Variants in KIAA1549L observed in about 807,000 individuals in gnomAD.
KIAA1549L encodes KIAA1549 like.
KIAA1549L carries 88 observed loss-of-function variants against 160.7 expected under a neutral mutation model. The ratio of observed to expected loss-of-function variants is 0.55; its 90% confidence interval spans 0.46 to 0.65. The LOEUF (loss-of-function observed/expected upper bound fraction) is 0.65. Ranked by LOEUF, KIAA1549L falls within the 30% of genes least tolerant of loss-of-function variation. The pLI is 0.00. For synonymous variants in KIAA1549L, 950 were observed against 976.7 expected (o/e 0.97, Z 0.51); for missense variants, 2,258 against 2,437.5 (o/e 0.93, Z 1.55).
At chr11:33,447,049 T>C (rs1253890152) in intron 1 of KIAA1549L, among the ~76,000 whole-genome samples, 1 of 152,188 alleles carries the variant, frequency 6.6e-6, no homozygotes, top group Non-Finnish European at 1.5e-5. Context: ...AGTGCCATGA[T>C]GGAGATTTAC....
intron 1 of KIAA1549L, among the ~76,000 whole-genome samples, chr11:33,469,601 T>G (rs1304012071): frequency 6.6e-6 from 1 of 152,206 alleles, no homozygotes; most frequent in South Asian, 2.1e-4. Context: ...TACCAAACTG[T>G]TTTGCAAAGA....
At chr11:33,629,858 G>A (rs1851228650) in intron 16 of KIAA1549L, among the ~76,000 whole-genome samples, 1 of 143,916 alleles carries the variant, frequency 6.9e-6, no homozygotes, top group Non-Finnish European at 1.5e-5. Flanking sequence ...GAGGAGGAGA[G>A]GCGCTCTGCT....
chr11:33,499,483 A>G (rs1251999443), intron 1 of KIAA1549L, among the ~76,000 whole-genome samples: 3 of 152,206 alleles, frequency 2.0e-5, no homozygotes, highest in Admixed American at 2.0e-4. Flanking sequence ...TCCCAGTCCT[A>G]TGGTTTAGCA....
intron 1 of KIAA1549L, among the ~76,000 whole-genome samples, chr11:33,539,607 T>G (rs1853969123): frequency 6.6e-6 from 1 of 152,240 alleles, no homozygotes; most frequent in Non-Finnish European, 1.5e-5. Flanking sequence ...TGCCTCCTCC[T>G]TCTGTTTTTC....
chr11:33,557,965 A>T (rs886241475), intron 6 of KIAA1549L, among the ~76,000 whole-genome samples: 1 of 152,152 alleles, frequency 6.6e-6, no homozygotes, highest in South Asian at 2.1e-4. Flanking sequence ...CTTATGGGAA[A>T]AAGTGGGAAA....
In KIAA1549L at chr11:33,386,606, C is replaced by G. The variant is rs555059049; in HGVS notation, c.238+9717C>G. Among the ~76,000 whole-genome samples the G allele has an allele frequency of 1.6e-3, 239 of 152,266 alleles. 1 individual carries two copies. The highest frequency in any genetic ancestry group is 5.5e-3 in the African/African-American group (228 of 41,550). ...GCTGAGGCAGGAGAATCGCTTGCAC[C>G]TGGGAGGCAGAGGTTGCAGTGAGCT... On this transcript the variant is annotated intron_variant, in intron 1 of 20. Coordinates refer to ENST00000658780, the MANE Select transcript of KIAA1549L (RefSeq NM_012194.3).
chr11:33,625,356 C>T (rs1418890752), intron 16 of KIAA1549L, among the ~76,000 whole-genome samples: 1 of 152,136 alleles, frequency 6.6e-6, no homozygotes, highest in Non-Finnish European at 1.5e-5. Flanking sequence ...AATGGTTGAA[C>T]TAGTTTACAG....
At chr11:33,430,265 C>CCTCT (rs1371659703) in intron 1 of KIAA1549L, among the ~76,000 whole-genome samples, 1 of 146,930 alleles carries the variant, frequency 6.8e-6, no homozygotes, top group Admixed American at 6.8e-5. Flanking sequence ...TCCCTCCCTC[C>CCTCT]CTCTCTCCCT....
At chr11:33,601,000 C>T (rs1258602392) in intron 13 of KIAA1549L, among the ~76,000 whole-genome samples, 2 of 152,068 alleles carry the variant, frequency 1.3e-5, no homozygotes, top group African/African-American at 4.8e-5. Context: ...TTGCCCATTT[C>T]TGCTTGTCTG....
At chr11:33,425,155 G>A (rs937392225) in intron 1 of KIAA1549L, among the ~76,000 whole-genome samples, 1 of 152,212 alleles carries the variant, frequency 6.6e-6, no homozygotes. Flanking sequence ...ATCTCAAGGA[G>A]CTTTTCAGAG....
intron 1 of KIAA1549L, among the ~76,000 whole-genome samples, chr11:33,447,473 TCCACCCACCCACCCAC>T (rs879501635): frequency 7.5e-6 from 1 of 133,866 alleles, no homozygotes; most frequent in African/African-American, 2.8e-5. Context: ...CATCCATCCA[TCCACCCACCCACCCAC>T]CCACCCATCT....
In KIAA1549L at chr11:33,485,683, C is replaced by T. The variant is rs535459372; in HGVS notation, c.239-56119C>T. 2.2e-4 allele frequency among the ~76,000 whole-genome samples: 34 copies of T among 152,186 alleles called. No individual in the cohort carries two copies. The South Asian group carries it at 5.0e-3, about 22-fold the overall frequency. Reference sequence around the variant, plus strand: ...CTCAGCAATTTTCAAGTGTACAATACTTTGTTGTTAACTATAATCACCATG... The same window carrying T: ...CTCAGCAATTTTCAAGTGTACAATATTTTGTTGTTAACTATAATCACCATG... On this transcript the variant is annotated intron_variant, in intron 1 of 20. Transcript: ENST00000658780.
chr11:33,422,730 A>G (rs781586648), intron 1 of KIAA1549L, among the ~76,000 whole-genome samples: 6 of 151,914 alleles, frequency 3.9e-5, no homozygotes, highest in Non-Finnish European at 7.4e-5. Flanking sequence ...AGTTGAATTT[A>G]CAATATATGG....
intron 1 of KIAA1549L, among the ~76,000 whole-genome samples, chr11:33,530,427 AAAAAAAAAAAT>A (rs1853722995): frequency 9.1e-5 from 4 of 44,110 alleles, no homozygotes; most frequent in East Asian, 7.1e-4. Context: ...AAAAAAAAAA[AAAAAAAAAAAT>A]ATATATATAT....
chr11:33,628,051 T>A, intron 16 of KIAA1549L, among the ~76,000 whole-genome samples: 1 of 152,182 alleles, frequency 6.6e-6, no homozygotes, highest in Non-Finnish European at 1.5e-5. Flanking sequence ...TACCCAGTAG[T>A]CATTCAGGAG....
At chr11:33,513,314 G>A (rs1451431295) in intron 1 of KIAA1549L, among the ~76,000 whole-genome samples, 1 of 152,152 alleles carries the variant, frequency 6.6e-6, no homozygotes, top group East Asian at 1.9e-4. Flanking sequence ...AGGTGGCGAT[G>A]GTTTTTTAAT....
rs987320917 is a variant in KIAA1549L at position 33,585,350 on chromosome 11, C to G, written c.4566+1849C>G. On this transcript the variant is annotated intron_variant, in intron 11 of 20. Coordinates refer to ENST00000658780, the MANE Select transcript of KIAA1549L (RefSeq NM_012194.3). ...CCTGACCAACATGGAGAAACCTCATCTCTACTAAAAATACAAAATTAGCTG... is the reference window on the plus strand; with the variant it reads ...CCTGACCAACATGGAGAAACCTCATGTCTACTAAAAATACAAAATTAGCTG... Among the ~76,000 whole-genome samples the G allele has an allele frequency of 2.6e-5, 4 of 152,244 alleles. No individual in the cohort carries two copies. In the East Asian group the frequency reaches 7.8e-4, roughly 30 times the overall value.
chr11:33,613,093 T>A (rs1369184313), intron 15 of KIAA1549L, among the ~76,000 whole-genome samples: 1 of 152,156 alleles, frequency 6.6e-6, no homozygotes, highest in Non-Finnish European at 1.5e-5. Context: ...TATGGTGGAA[T>A]GATTTCTGTT....
intron 11 of KIAA1549L, 78 bp from the exon 12 acceptor site, chr11:33,591,159 T>C: frequency 1.9e-6 from 2 of 1,030,468 alleles, no homozygotes; most frequent in Non-Finnish European, 1.5e-6. Context: ...ATCTTTTTGC[T>C]GCCTGTCATC....
Sources: gnomAD v4.1 joint callset for allele counts (sites outside exome capture counted in the v4.1 genomes callset) on GRCh38, gnomAD v4.1.1 for gene constraint, MANE v1.5 for transcripts, NCBI Gene and HGNC (gene_info 2026-07-23, HGNC 2026-07-21) for gene names.